BSPRY: variants seen among roughly 807,000 people sequenced by gnomAD.
BSPRY encodes the protein B box and SPRY domain-containing protein.
A neutral mutation model predicts 38.0 loss-of-function variants in BSPRY; 33 were observed. The ratio of observed to expected loss-of-function variants is 0.87; its 90% CI spans 0.66 to 1.16. The LOEUF is 1.16. Among genes scored for constraint, BSPRY ranks in the 50% most tolerant of loss-of-function variants. The pLI is 0.00. For missense variants in BSPRY, 523 were observed against 533.2 expected (o/e 0.98, Z 0.19); for synonymous variants, 224 against 228.5 (o/e 0.98, Z 0.18).
intron 2 of BSPRY, among the ~76,000 whole-genome samples, chr9:113,360,294 G>T (rs565332435): frequency 2.0e-5 from 3 of 152,162 alleles, no homozygotes. Context: ...CTATGTGTCT[G>T]CATCTCAAAT....
chr9:113,369,981 G>A lies in BSPRY; in HGVS notation c.1048G>A (p.Gly350Ser). 1.2e-6 allele frequency: 2 copies of A among 1,614,064 alleles called. No individual in the cohort carries two copies. Among genetic ancestry groups the A allele is most frequent in the Non-Finnish European group, 1.7e-6 (2 of 1,180,018 alleles). ...GCACGAGCCCCTGGGGCTGCTGCGG[G>A]GCCCAGCCCAGCTGGGTGTAGTGCT... ...GQHEPLGLLR[G>S]PAQLGVVLDL... The change falls in exon 6 of 6, where the codon GGC becomes AGC. Residue 350 changes from glycine (G) to serine (S), a missense_variant. Gly to Ser is a moderately conservative substitution (Grantham distance 56). Transcript: ENST00000374183.
In BSPRY at chr9:113,349,772, G is replaced by C; in HGVS notation, c.193G>C (p.Glu65Gln). ...CCGCCGGGCGGAGGAGCGCGCCGAG[G>C]AGCTGCGGGTGAGCGGGTGTGGGCG... is the stretch of plus-strand genomic sequence containing the variant. ...RIRRAEERAE[E>Q]LRNKIVDQCE... The change falls in exon 1 of 6, where the codon GAG becomes CAG. Residue 65 changes from glutamate to glutamine, a missense_variant. Physicochemically the swap from Glu to Gln is conservative, Grantham distance 29 (BLOSUM62 2). Transcript: ENST00000374183. The C allele has an allele frequency of 8.1e-7, 1 of 1,233,904 alleles. No individual in the cohort carries two copies. The highest frequency in any genetic ancestry group is 1.0e-6 in the Non-Finnish European group (1 of 989,144). 76.4% of individuals were successfully genotyped at this position (1,233,904 alleles called of 1,614,324 possible).
chr9:113,369,846 GGCCACCT>G lies in BSPRY; in HGVS notation c.917_923del (p.His306ProfsTer49). The G allele has an allele frequency of 6.2e-7, 1 of 1,614,244 alleles. No individual in the cohort carries two copies. The highest frequency in any genetic ancestry group is 8.5e-7 in the Non-Finnish European group (1 of 1,180,034). ...TGCCTATAAGGTGGGCGTGGCTTCA[GGCCACCT>G]GCCCCGCAAGGGTTCTGGCAGTGAC... On this transcript the variant is annotated frameshift_variant, in exon 6 of 6. Transcript: ENST00000374183. LOFTEE classifies it high-confidence loss of function.
At chr9:113,362,725 G>A (rs1194192954) in intron 4 of BSPRY, among the ~76,000 whole-genome samples, 1 of 152,226 alleles carries the variant, frequency 6.6e-6, no homozygotes, top group East Asian at 1.9e-4. Context: ...AAGGGGAAGG[G>A]ATCTCCCTAA....
At chr9:113,353,294 G>T (rs983472876) in intron 1 of BSPRY, among the ~76,000 whole-genome samples, 7 of 152,186 alleles carry the variant, frequency 4.6e-5, no homozygotes, top group African/African-American at 1.4e-4. Flanking sequence ...AAGGACATGG[G>T]AGGATCACTT....
At chr9:113,366,916 T>C (rs571878918) in intron 4 of BSPRY, among the ~76,000 whole-genome samples, 2 of 152,308 alleles carry the variant, frequency 1.3e-5, no homozygotes, top group East Asian at 1.9e-4. Context: ...CCATGAGATA[T>C]GGGGAGAGAG....
chr9:113,362,496 G>T, intron 4 of BSPRY, 102 bp downstream of exon 4: 2 of 1,287,022 alleles, frequency 1.6e-6, no homozygotes, highest in Non-Finnish European at 2.3e-6. Context: ...GAATGCACAG[G>T]GTGTGCAGCT....
At chr9:113,351,239 G>A (rs1045163313) in intron 1 of BSPRY, among the ~76,000 whole-genome samples, 1 of 152,026 alleles carries the variant, frequency 6.6e-6, no homozygotes, top group African/African-American at 2.4e-5. Flanking sequence ...CTCTGAGGCC[G>A]TATGCATATT....
rs1194090813 is a variant in BSPRY at position 113,371,049 on chromosome 9, T to G, written c.*907T>G. The G allele has an allele frequency of 6.7e-6, 1 of 149,340 alleles. No homozygotes were observed. The highest frequency in any genetic ancestry group is 2.4e-5 in the African/African-American group (1 of 41,180). 9.3% of individuals were successfully genotyped at this position (149,340 alleles called of 1,614,324 possible). A position where few individuals can be genotyped will look rare whatever the true frequency, so the allele number is the denominator to read the frequency against. ...TGGCTGAGCTCCAGCCTGTGCCCACTGATAATAGCAGGGACGGCCTTTTCT... is the reference window on the plus strand; with the variant it reads ...TGGCTGAGCTCCAGCCTGTGCCCACGGATAATAGCAGGGACGGCCTTTTCT... On this transcript the variant is annotated 3_prime_UTR_variant, in exon 6 of 6. Coordinates refer to ENST00000374183, the MANE Select transcript of BSPRY (RefSeq NM_017688.3).
intron 2 of BSPRY, among the ~76,000 whole-genome samples, chr9:113,359,743 A>G (rs528784614): frequency 3.5e-4 from 53 of 152,194 alleles, no homozygotes; most frequent in Non-Finnish European, 6.3e-4. Context: ...TAAGTCAGAA[A>G]AAATTTCCTG....
intron 4 of BSPRY, among the ~76,000 whole-genome samples, chr9:113,367,834 C>CT (rs34649175): frequency 0.34 from 49,713 of 144,242 alleles, 8,934 homozygotes; most frequent in East Asian, 0.7. Context: ...GGATGCCACT[C>CT]TTTTTTTTTT....
In BSPRY at chr9:113,349,693, G is replaced by A; in HGVS notation, c.114G>A (p.Arg38=). 1 of 1,237,612 alleles carries A rather than the reference G, an allele frequency of 8.1e-7. No individual in the cohort carries two copies. The highest frequency in any genetic ancestry group is 1.0e-6 in the Non-Finnish European group (1 of 991,260). The allele number at this position is 1,237,612 out of a possible 1,614,324, so 76.7% of individuals were successfully genotyped here. Residue 38 remains arginine, a synonymous_variant, in exon 1 of 6, where the codon CGG becomes CGA. Transcript: ENST00000374183. ...GCTGGTTCTGCGGCTCCGAGCGACG[G>A]CCCGTGTGCGCCGCCTGCGCGGGGT... ...ALSWFCGSER[R]PVCAACAGLG... is the part of the protein sequence containing the mutation.
chr9:113,353,717 TAAAA>T (rs977900349), intron 1 of BSPRY, among the ~76,000 whole-genome samples: 2 of 150,620 alleles, frequency 1.3e-5, no homozygotes, highest in African/African-American at 2.4e-5. Flanking sequence ...AATAAATAAA[TAAAA>T]AAAAATAAAA....
intron 1 of BSPRY, among the ~76,000 whole-genome samples, 186 bp from the exon 2 acceptor site, chr9:113,354,054 G>A (rs1485394899): frequency 6.6e-6 from 1 of 152,158 alleles, no homozygotes; most frequent in Non-Finnish European, 1.5e-5. Flanking sequence ...GATAGGGCAT[G>A]GTGGGGAGAG....
chr9:113,353,032 A>C (rs1212427513), intron 1 of BSPRY, among the ~76,000 whole-genome samples: 1 of 152,192 alleles, frequency 6.6e-6, no homozygotes, highest in African/African-American at 2.4e-5. Context: ...GACAGAACAG[A>C]AGGTATGGAC....
chr9:113,367,998 T>C (rs1300016323), intron 4 of BSPRY, among the ~76,000 whole-genome samples: 1 of 152,094 alleles, frequency 6.6e-6, no homozygotes, highest in Non-Finnish European at 1.5e-5. Context: ...ACCCAGCTAA[T>C]TTTTAAATTT....
At chr9:113,358,172 T>G (rs1834094212) in intron 2 of BSPRY, among the ~76,000 whole-genome samples, 2 of 151,068 alleles carry the variant, frequency 1.3e-5, no homozygotes, top group Admixed American at 6.6e-5. Flanking sequence ...CACTTGAGCC[T>G]AGGAGTTTGA....
At chr9:113,367,915 C>G (rs1021980632) in intron 4 of BSPRY, among the ~76,000 whole-genome samples, 21 of 151,772 alleles carry the variant, frequency 1.4e-4, no homozygotes, top group African/African-American at 4.8e-4. Context: ...ACTGCAGCCT[C>G]GAACTCCTGG....
chr9:113,369,416 T>C (rs1200137631), intron 5 of BSPRY, among the ~76,000 whole-genome samples, 200 bp from the exon 6 acceptor site: 1 of 152,160 alleles, frequency 6.6e-6, no homozygotes, highest in African/African-American at 2.4e-5. Context: ...GCACTTTACA[T>C]GTATGATTCT....
Sources: gnomAD v4.1 joint callset for allele counts (sites outside exome capture counted in the v4.1 genomes callset) on GRCh38, gnomAD v4.1.1 for gene constraint, MANE v1.5 for transcripts, NCBI Gene and HGNC (gene_info 2026-07-23, HGNC 2026-07-21) for gene names.